Variants in BAAT observed in about 807,000 individuals in gnomAD.
BAAT encodes bile acid CoA: amino acid N-acyltransferase (glycine N-choloyltransferase).
A neutral mutation model predicts 18.9 loss-of-function variants in BAAT; 13 were observed. That is an observed-to-expected ratio of 0.69 (90% CI 0.45 to 1.10). The LOEUF (loss-of-function observed/expected upper bound fraction) is 1.10. BAAT is among the 50% of genes least tolerant of loss of function. The probability of loss-of-function intolerance (pLI) is 0.00; values close to 1 mark genes in which losing one functional copy is unlikely to be tolerated. For missense variants in BAAT, 489 were observed against 504.0 expected, an observed-to-expected ratio of 0.97 and a Z score of 0.28; for synonymous variants, 170 against 190.7, an observed-to-expected ratio of 0.89 and a Z score of 0.89.
chr9:101,362,729 T>C lies in BAAT; in HGVS notation c.956A>G (p.Gln319Arg), dbSNP rs1829755214. 1.2e-6 allele frequency: 2 copies of C among 1,614,196 alleles called. No homozygotes were observed. The highest frequency in any genetic ancestry group is 1.7e-6 in the Non-Finnish European group (2 of 1,180,026). The change falls in exon 4 of 4, where the codon CAA becomes CGA. Residue 319 changes from glutamine (Q) to arginine (R), a missense_variant. Coordinates refer to ENST00000259407, the MANE Select transcript of BAAT (RefSeq NM_001701.4). ...YLFPIEEAQGQFLFIVGEGDK... is the reference protein window; with the variant it reads ...YLFPIEEAQGRFLFIVGEGDK... ...ACCTTCTCCTACAATGAAGAGGAATTGCCCCTGGGCCTCTTCAATAGGAAA... is the reference window on the plus strand; with the variant it reads ...ACCTTCTCCTACAATGAAGAGGAATCGCCCCTGGGCCTCTTCAATAGGAAA...
At position 101,372,896 on chromosome 9, in the gene BAAT, T is replaced by C. The variant is rs150790119; in HGVS notation, c.-59-1433A>G. 8.8e-3 allele frequency among the ~76,000 whole-genome samples: 1,338 copies of C among 152,310 alleles called. 20 individuals carry two copies. The highest frequency in any genetic ancestry group is 0.03 in the African/African-American group (1,237 of 41,568). On this transcript the variant is annotated intron_variant, in intron 1 of 3. Transcript: ENST00000259407. ...TTGATAAACTAGAATTCCAAGAAACTGTAGCCACAGAGTAAGTCTTTCTCT... is the reference window on the plus strand; with the variant it reads ...TTGATAAACTAGAATTCCAAGAAACCGTAGCCACAGAGTAAGTCTTTCTCT...
intron 3 of BAAT, among the ~76,000 whole-genome samples, chr9:101,363,349 C>T (rs886234557): frequency 1.3e-5 from 2 of 152,158 alleles, no homozygotes; most frequent in African/African-American, 4.8e-5. Context: ...ATGATTGGTA[C>T]ACTTTCCTCC....
chr9:101,380,004 T>C (rs1427683267), intron 1 of BAAT, among the ~76,000 whole-genome samples: 1 of 152,204 alleles, frequency 6.6e-6, no homozygotes, highest in African/African-American at 2.4e-5. Context: ...CTGTTTCCCA[T>C]TGCCAGTGCA....
chr9:101,380,027 C>A (rs1354637833), intron 1 of BAAT, among the ~76,000 whole-genome samples: 1 of 152,180 alleles, frequency 6.6e-6, no homozygotes, highest in Non-Finnish European at 1.5e-5. Context: ...GCTGCTAAAG[C>A]TGTACAATAT....
intron 1 of BAAT, among the ~76,000 whole-genome samples, chr9:101,374,281 T>C (rs909907267): frequency 1.3e-5 from 2 of 152,166 alleles, no homozygotes; most frequent in African/African-American, 4.8e-5. Context: ...TGTCAGATTC[T>C]TAAACTGGAC....
intron 1 of BAAT, among the ~76,000 whole-genome samples, chr9:101,379,182 A>G (rs1266719105): frequency 1.3e-5 from 2 of 152,196 alleles, no homozygotes; most frequent in Non-Finnish European, 2.9e-5. Context: ...GTGATTCCTC[A>G]AGGATCTAAA....
intron 1 of BAAT, chr9:101,375,829 A>G (rs960519841): frequency 3.9e-5 from 6 of 152,342 alleles, no homozygotes; most frequent in African/African-American, 7.2e-5. Flanking sequence ...GCCGAAAGTA[A>G]CTGTTCCCCC....
At chr9:101,373,065 G>A (rs1244255587) in intron 1 of BAAT, among the ~76,000 whole-genome samples, 2 of 152,144 alleles carry the variant, frequency 1.3e-5, no homozygotes, top group African/African-American at 4.8e-5. Context: ...GCAGAGTAGA[G>A]AGAGAATAGG....
Position 101,372,200 on chromosome 9 carries a change from C to A in BAAT, c.-59-737G>T, listed in dbSNP as rs1038658205. On this transcript the variant is annotated intron_variant, in intron 1 of 3. Coordinates refer to ENST00000259407, the MANE Select transcript of BAAT (RefSeq NM_001701.4). Reference sequence around the variant, plus strand: ...GGGCTGAAAAACTACCTATTGGGTACTTAATATCAGGGTGACAGGTTCACC... The same window carrying A: ...GGGCTGAAAAACTACCTATTGGGTAATTAATATCAGGGTGACAGGTTCACC... Among the ~76,000 whole-genome samples the A allele has an allele frequency of 5.3e-5, 8 of 151,706 alleles. No homozygotes were observed. The South Asian group carries it at 1.7e-3, about 32-fold the overall frequency.
intron 1 of BAAT, chr9:101,376,736 G>A (rs749372354): frequency 2.0e-5 from 3 of 152,198 alleles, no homozygotes; most frequent in Non-Finnish European, 4.4e-5. Flanking sequence ...AAGACTAGGA[G>A]CATGTAGGCA....
chr9:101,366,891 C>T (rs536839010), intron 3 of BAAT, among the ~76,000 whole-genome samples: 23 of 151,094 alleles, frequency 1.5e-4, no homozygotes, highest in African/African-American at 4.1e-4. Context: ...GCAGGTGGAT[C>T]ACTTGAGGTC....
intron 1 of BAAT, among the ~76,000 whole-genome samples, chr9:101,383,861 T>C (rs970270150): frequency 1.3e-5 from 2 of 152,202 alleles, no homozygotes; most frequent in Non-Finnish European, 2.9e-5. Context: ...CATTTGCAAA[T>C]GGTTTCTTTC....
Position 101,362,239 on chromosome 9 carries a change from T to C in BAAT, c.*189A>G, listed in dbSNP as rs1186958795. 1.3e-5 allele frequency: 8 copies of C among 637,046 alleles called. No homozygotes were observed. Among genetic ancestry groups the C allele is most frequent in the Admixed American group, 2.9e-5 (1 of 34,882 alleles). 39.5% of individuals were successfully genotyped at this position (637,046 alleles called of 1,614,324 possible). ...GATTTGTTTTATGATTTATTCACCA[T>C]GTCCAGTTTGGTTAGCTTGTTATGC... On this transcript the variant is annotated 3_prime_UTR_variant, in exon 4 of 4. Coordinates refer to ENST00000259407, the MANE Select transcript of BAAT (RefSeq NM_001701.4).
chr9:101,362,892 C>G lies in BAAT; in HGVS notation c.793G>C (p.Gly265Arg). 1 of 1,613,956 alleles carries G rather than the reference C, an allele frequency of 6.2e-7. No individual in the cohort carries two copies. The highest frequency in any genetic ancestry group is 8.5e-7 in the Non-Finnish European group (1 of 1,179,926). The change falls in exon 4 of 4, where the codon GGC (glycine) becomes CGC (arginine). Residue 265 changes from glycine to arginine, a missense_variant. By Grantham distance (125) the Gly-to-Arg change is moderately radical. Transcript: ENST00000259407. The stretch of plus-strand genomic sequence containing the variant: ...TGACCATGATATACCTGTGGAATGC[C>G]AAAAGGAAAGTTGGTCCCATTAATA... Reference protein sequence around the residue: ...VLINGTNFPFGIPQVYHGQIH... With the variant: ...VLINGTNFPFRIPQVYHGQIH...
intron 3 of BAAT, among the ~76,000 whole-genome samples, chr9:101,365,093 C>G (rs536312482): frequency 6.6e-6 from 1 of 152,092 alleles, no homozygotes; most frequent in Non-Finnish European, 1.5e-5. Context: ...CTCCCAGTTA[C>G]CAATTTGGTT....
At chr9:101,374,075 C>T (rs1387214171) in intron 1 of BAAT, among the ~76,000 whole-genome samples, 1 of 152,140 alleles carries the variant, frequency 6.6e-6, no homozygotes, top group Non-Finnish European at 1.5e-5. Flanking sequence ...ATTTTACTAT[C>T]AAAATGTCTG....
intron 1 of BAAT, among the ~76,000 whole-genome samples, chr9:101,374,526 C>T (rs930901915): frequency 2.0e-5 from 3 of 152,056 alleles, no homozygotes; most frequent in Admixed American, 2.0e-4. Flanking sequence ...AAATATCTCT[C>T]ATGAAGACAA....
rs1407472648 is a variant in BAAT at position 101,361,215 on chromosome 9, A to C, written c.*1213T>G. 6.5e-6 allele frequency: 1 copy of C among 154,690 alleles called. No individual in the cohort carries two copies. Among genetic ancestry groups the C allele is most frequent in the East Asian group, 1.9e-4 (1 of 5,200 alleles). The allele number at this position is 154,690 out of a possible 1,614,324, so 9.6% of individuals were successfully genotyped here. A position where few individuals can be genotyped will look rare whatever the true frequency, so the allele number is the denominator to read the frequency against. ...ATCCATCTCAATGAGATGAATTAGCAGATGTTTGTATGTCTCTAGATATTT... is the reference window on the plus strand; with the variant it reads ...ATCCATCTCAATGAGATGAATTAGCCGATGTTTGTATGTCTCTAGATATTT... On this transcript the variant is annotated 3_prime_UTR_variant, in exon 4 of 4. Coordinates refer to ENST00000259407, the MANE Select transcript of BAAT (RefSeq NM_001701.4).
Position 101,371,291 on chromosome 9 carries a change from A to C in BAAT, c.114T>G (p.Asp38Glu), listed in dbSNP as rs763080561. Residue 38 changes from aspartate to glutamate, a missense_variant, in exon 2 of 4, where the codon GAT (aspartate) becomes GAG (glutamate). Asp to Glu is a conservative substitution (Grantham distance 45). Coordinates refer to ENST00000259407, the MANE Select transcript of BAAT (RefSeq NM_001701.4). ...QMVSFQASLE[D>E]ENGDMFYSQA... ...GAGAATAAAACATGTCTCCGTTTTC[A>C]TCTTCCAGTGATGCCTGAAAACTCA... 1 of 1,613,448 alleles carries C rather than the reference A, an allele frequency of 6.2e-7. No homozygotes were observed. The highest frequency in any genetic ancestry group is 8.5e-7 in the Non-Finnish European group (1 of 1,179,474).
Sources: gnomAD v4.1 joint callset for allele counts (sites outside exome capture counted in the v4.1 genomes callset) on GRCh38, gnomAD v4.1.1 for gene constraint, MANE v1.5 for transcripts, NCBI Gene and HGNC (gene_info 2026-07-23, HGNC 2026-07-21) for gene names.